DNAH11: variants seen among roughly 807,000 people sequenced by gnomAD.
DNAH11 encodes axonemal beta dynein heavy chain 11.
In DNAH11, 442 loss-of-function variants were observed where a neutral mutation model predicts 526.0. The observed-to-expected ratio is 0.84, with a 90% CI of 0.78 to 0.91. The LOEUF is 0.91. DNAH11 is among the 40% of genes least tolerant of loss of function. The pLI is 0.00. For synonymous variants in DNAH11, 2,461 were observed against 1,935.9 expected (o/e 1.27, Z -7.12); for missense variants, 6,989 against 5,448.7 (o/e 1.28, Z -8.90).
rs746389515 is a variant in DNAH11, at chr7:21,619,126, A to T, written c.4281A>T (p.Thr1427=). 5.0e-6 allele frequency: 8 copies of T among 1,613,724 alleles called. No individual in the cohort carries two copies. In the South Asian group the frequency reaches 7.7e-5, roughly 16 times the overall value. The part of the protein sequence containing the change: ...IGVKFLINEA[T]TLADLLALRL... ...TCAAGTTTTTAATAAATGAAGCCAC[A>T]ACTTTGGCAGATTTGTTAGCACTGC... Residue 1427 remains threonine (T), a synonymous_variant, in exon 24 of 82, where the codon ACA becomes ACT. Transcript: ENST00000409508.
intron 62 of DNAH11, 64 bp downstream of exon 62, chr7:21,801,339 A>G: frequency 6.3e-7 from 1 of 1,583,952 alleles, no homozygotes; most frequent in Non-Finnish European, 8.6e-7. Flanking sequence ...GGATTTTATT[A>G]TTTGCCATCA....
Position 21,543,090 on chromosome 7 carries a change from GGCT to G in DNAH11, c.-152_-150del. On this transcript the variant is annotated 5_prime_UTR_variant, in exon 1 of 82. Coordinates refer to ENST00000409508, the MANE Select transcript of DNAH11 (RefSeq NM_001277115.2). ...AGGCTACAGCTGTGCGCAGTGGCGC[GGCT>G]GCTAAGTAGCAGCAGGTGGGAGACT... 4 of 1,390,808 alleles carry G rather than the reference GGCT, an allele frequency of 2.9e-6. No individual in the cohort carries two copies. In the South Asian group the frequency reaches 6.5e-5, roughly 23 times the overall value. The allele number at this position is 1,390,808 out of a possible 1,614,324, so 86.2% of individuals were successfully genotyped here.
At chr7:21,848,602 T>A (rs1782509232) in intron 66 of DNAH11, among the ~76,000 whole-genome samples, 1 of 152,028 alleles carries the variant, frequency 6.6e-6, no homozygotes, top group Non-Finnish European at 1.5e-5. Flanking sequence ...TAGCTATATA[T>A]ATTGGGTGCT....
At chr7:21,829,907 T>C (rs7807695) in intron 65 of DNAH11, among the ~76,000 whole-genome samples, 15,804 of 152,280 alleles carry the variant, frequency 0.1, 1,513 homozygotes, top group African/African-American at 0.25. Context: ...ACAGAAGTAC[T>C]TTGAAAACTA....
At chr7:21,636,139 A>G (rs1386183908) in intron 26 of DNAH11, 44 bp downstream of exon 26, 11 of 1,490,156 alleles carry the variant, frequency 7.4e-6, no homozygotes. Flanking sequence ...AAAGTTTTGT[A>G]AAGTAACATG....
chr7:21,639,154 G>T, intron 28 of DNAH11, 89 bp downstream of exon 28: 3 of 1,430,096 alleles, frequency 2.1e-6, no homozygotes, highest in African/African-American at 2.9e-5. Context: ...TACCTGTCAT[G>T]TCACGTGGGC....
Position 21,738,724 on chromosome 7 carries a change from A to G in DNAH11, c.7669A>G (p.Lys2557Glu). ...LQKILEKPLE[K>E]KAGHNYGPGG... ...AGAAATTCTTGAGAAACCCCTAGAG[A>G]AAAAAGCTGGTCATAACTATGGTCC... is the stretch of plus-strand genomic sequence containing the variant. The change falls in exon 47 of 82, where the codon AAA becomes GAA. Residue 2557 changes from lysine (K) to glutamate (E), a missense_variant. By Grantham distance (56) the Lys-to-Glu change is moderately conservative. Transcript: ENST00000409508. The G allele has an allele frequency of 5.1e-6, 8 of 1,580,590 alleles. No individual in the cohort carries two copies. Among genetic ancestry groups the G allele is most frequent in the Non-Finnish European group, 6.9e-6 (8 of 1,163,100 alleles).
chr7:21,732,951 A>G (rs1369353299), intron 45 of DNAH11, among the ~76,000 whole-genome samples: 1 of 152,182 alleles, frequency 6.6e-6, no homozygotes, highest in Non-Finnish European at 1.5e-5. Flanking sequence ...ACCCAGTCTC[A>G]GGCCTGGGCA....
At chr7:21,565,339 G>T (rs1208949433) in intron 6 of DNAH11, among the ~76,000 whole-genome samples, 1 of 152,058 alleles carries the variant, frequency 6.6e-6, no homozygotes, top group Non-Finnish European at 1.5e-5. Flanking sequence ...ACCTCCTAAA[G>T]ACCCTATATC....
intron 54 of DNAH11, among the ~76,000 whole-genome samples, chr7:21,762,785 G>T (rs756543535): frequency 6.6e-6 from 1 of 152,056 alleles, no homozygotes; most frequent in Non-Finnish European, 1.5e-5. Context: ...AAATATAGGG[G>T]AAATCTTCAG....
At chr7:21,718,210 A>G (rs1043369573) in intron 43 of DNAH11, among the ~76,000 whole-genome samples, 3 of 151,186 alleles carry the variant, frequency 2.0e-5, no homozygotes, top group African/African-American at 7.4e-5. Context: ...GTATCCCCAG[A>G]TAGCTCTTAG....
intron 80 of DNAH11, 32 bp downstream of exon 80, chr7:21,899,480 A>C: frequency 6.6e-7 from 1 of 1,522,464 alleles, no homozygotes; most frequent in East Asian, 2.3e-5. Context: ...CCCCTGATGC[A>C]CACAGGACCA....
intron 57 of DNAH11, among the ~76,000 whole-genome samples, chr7:21,782,457 G>C (rs1004106227): frequency 1.3e-5 from 2 of 152,196 alleles, no homozygotes; most frequent in Admixed American, 1.3e-4. Flanking sequence ...ACGGTATTGA[G>C]AATGAGAAAT....
intron 30 of DNAH11, among the ~76,000 whole-genome samples, chr7:21,661,934 A>G (rs1562736820): frequency 6.6e-6 from 1 of 151,864 alleles, no homozygotes; most frequent in Non-Finnish European, 1.5e-5. Flanking sequence ...TTCTCCTGCC[A>G]CAGCCTCCTG....
chr7:21,612,821 GTT>G (rs1344059073), intron 20 of DNAH11, among the ~76,000 whole-genome samples: 1 of 152,040 alleles, frequency 6.6e-6, no homozygotes, highest in Non-Finnish European at 1.5e-5. Context: ...TTATAAACAA[GTT>G]TTCATTTAAG....
At position 21,720,728 on chromosome 7, in the gene DNAH11, C is replaced by G. The variant is rs1562508382; in HGVS notation, c.7138C>G (p.Leu2380Val). ...SIPESSLVQT[L>V]CVLLECLLTP... Reference sequence around the variant, plus strand: ...TTGACTATTTCTTTTTCTTTAGACTCTATGTGTTCTTTTGGAGTGCTTGCT... The same window carrying G: ...TTGACTATTTCTTTTTCTTTAGACTGTATGTGTTCTTTTGGAGTGCTTGCT... Residue 2380 changes from leucine (L) to valine (V), a missense_variant, in exon 44 of 82, where the codon CTA (leucine) becomes GTA (valine). By Grantham distance (32) the Leu-to-Val change is conservative. Transcript: ENST00000409508. 6.4e-7 allele frequency: 1 copy of G among 1,567,604 alleles called. No individual in the cohort carries two copies. Among genetic ancestry groups the G allele is most frequent in the Non-Finnish European group, 8.7e-7 (1 of 1,155,106 alleles).
chr7:21,728,381 C>T (rs1285356014), intron 45 of DNAH11, among the ~76,000 whole-genome samples: 1 of 150,494 alleles, frequency 6.6e-6, no homozygotes, highest in Non-Finnish European at 1.5e-5. Flanking sequence ...CCTCAGCCTC[C>T]CGAGTAGATG....
chr7:21,730,423 G>A (rs1349713094), intron 45 of DNAH11, among the ~76,000 whole-genome samples: 1 of 152,176 alleles, frequency 6.6e-6, no homozygotes, highest in Non-Finnish European at 1.5e-5. Context: ...TAAGTATAAT[G>A]CAAATGTCCC....
At chr7:21,823,557 T>G (rs929736139) in intron 65 of DNAH11, among the ~76,000 whole-genome samples, 1 of 152,184 alleles carries the variant, frequency 6.6e-6, no homozygotes, top group African/African-American at 2.4e-5. Flanking sequence ...ATATTTTCCC[T>G]GTGTCATTTT....
Sources: gnomAD v4.1 joint callset for allele counts (sites outside exome capture counted in the v4.1 genomes callset) on GRCh38, gnomAD v4.1.1 for gene constraint, MANE v1.5 for transcripts, NCBI Gene and HGNC (gene_info 2026-07-23, HGNC 2026-07-21) for gene names.